Variants in TBL1X observed in about 807,000 individuals in gnomAD.
TBL1X encodes the protein transducin beta like 1 X-linked, also known as F-box-like/WD repeat-containing protein TBL1X.
Under a neutral mutation model 50.7 loss-of-function variants are expected in TBL1X, and 10 were observed. The ratio of observed to expected loss-of-function variants is 0.20; its 90% CI spans 0.12 to 0.33. The LOEUF (loss-of-function observed/expected upper bound fraction) is 0.33. Among genes scored for constraint, TBL1X ranks in the 10% least tolerant of loss-of-function variants. The pLI is 1.00. For synonymous variants in TBL1X, 190 were observed against 214.7 expected, an observed-to-expected ratio of 0.88 and a Z score of 1.01; for missense variants, 340 against 504.4, an observed-to-expected ratio of 0.67 and a Z score of 3.12.
intron 2 of TBL1X, among the ~76,000 whole-genome samples, chrX:9,566,192 G>A (rs1204492040): frequency 1.8e-5 from 2 of 111,799 alleles, no homozygotes; most frequent in Non-Finnish European, 3.8e-5. Context: ...TGTCCTGTGT[G>A]TTGTGGGATG....
chrX:9,473,008 G>A (rs779937990), intron 1 of TBL1X, among the ~76,000 whole-genome samples: 1 of 111,623 alleles, frequency 9.0e-6, no homozygotes, highest in South Asian at 3.7e-4. Context: ...TTGGGTAATT[G>A]TCAGCCTGGA....
intron 5 of TBL1X, among the ~76,000 whole-genome samples, chrX:9,675,891 CA>C (rs1175476577): frequency 0.011 from 631 of 58,225 alleles, 3 homozygotes; most frequent in South Asian, 0.024. Context: ...AACTCTGTCT[CA>C]AAAAAAAAAA....
At chrX:9,500,107 A>G (rs1023623766) in intron 1 of TBL1X, among the ~76,000 whole-genome samples, 9 of 108,141 alleles carry the variant, frequency 8.3e-5, no homozygotes, top group Non-Finnish European at 1.7e-4. Context: ...CAACATAACA[A>G]GACCCCATCT....
At chrX:9,522,559 G>A (rs1313111487) in intron 2 of TBL1X, among the ~76,000 whole-genome samples, 1 of 111,762 alleles carries the variant, frequency 8.9e-6, no homozygotes, top group Non-Finnish European at 1.9e-5. Context: ...CCGTGCTCAC[G>A]TATCCCACAC....
chrX:9,558,541 A>ATATAT (rs1448477922), intron 2 of TBL1X, among the ~76,000 whole-genome samples: 1 of 107,017 alleles, frequency 9.3e-6, no homozygotes, highest in African/African-American at 3.4e-5. Context: ...AGGAAAAAAA[A>ATATAT]ATATATATAT....
At position 9,494,589 on chromosome X, in the gene TBL1X, A is replaced by T. The variant is rs941507631; in HGVS notation, c.-200-7191A>T. 5.3e-5 allele frequency among the ~76,000 whole-genome samples: 6 copies of T among 112,166 alleles called. No individual in the cohort carries two copies. In the East Asian group the frequency reaches 8.3e-4, roughly 16 times the overall value. ...TCAACTTCAAAAAAAAAGTTTTTTT[A>T]AAAAATATTTTAAAAATATTTAACT... is the stretch of plus-strand genomic sequence containing the variant. On this transcript the variant is annotated intron_variant, in intron 1 of 17. Transcript: ENST00000645353.
At chrX:9,552,327 A>C (rs924239230) in intron 2 of TBL1X, among the ~76,000 whole-genome samples, 1 of 111,647 alleles carries the variant, frequency 9.0e-6, no homozygotes, top group African/African-American at 3.3e-5. Flanking sequence ...CCATCAGTCT[A>C]TTTCTCTGTG....
chrX:9,519,672 G>C (rs897498846), intron 2 of TBL1X, among the ~76,000 whole-genome samples: 4 of 111,513 alleles, frequency 3.6e-5, no homozygotes, highest in African/African-American at 6.5e-5. Flanking sequence ...TTACAGTGGC[G>C]CTGGTGTCTT....
intron 2 of TBL1X, among the ~76,000 whole-genome samples, chrX:9,606,802 G>A (rs1263966894): frequency 2.7e-5 from 3 of 112,304 alleles, no homozygotes; most frequent in African/African-American, 6.5e-5. Context: ...CCTAATGGAC[G>A]AGCGTCCTCA....
At chrX:9,529,004 A>C (rs1460165280) in intron 2 of TBL1X, among the ~76,000 whole-genome samples, 1 of 112,077 alleles carries the variant, frequency 8.9e-6, no homozygotes, top group African/African-American at 3.2e-5. Context: ...CAGCACTGAA[A>C]AATACGGAGT....
At chrX:9,531,732 C>G (rs2082162991) in intron 2 of TBL1X, among the ~76,000 whole-genome samples, 1 of 105,811 alleles carries the variant, frequency 9.5e-6, no homozygotes, top group Non-Finnish European at 1.9e-5. Context: ...TAATGAGAGG[C>G]TCTTTTTTTT....
In TBL1X at chrX:9,513,102, C is replaced by T. The variant is rs945055399; in HGVS notation, c.-131+11253C>T. ...CACCCGGAGGAAGCCCCCAGAGTCT[C>T]GGCACAGTTGAGGAAACAAACAAAG... On this transcript the variant is annotated intron_variant, in intron 2 of 17. Coordinates refer to ENST00000645353, the MANE Select transcript of TBL1X (RefSeq NM_005647.4). Among the ~76,000 whole-genome samples the T allele has an allele frequency of 8.1e-5, 9 of 110,726 alleles. No individual in the cohort carries two copies. The East Asian group carries it at 2.3e-3, about 28-fold the overall frequency.
In TBL1X at chrX:9,469,736, T is replaced by A. The variant is rs745559266; in HGVS notation, c.-201+4289T>A. Among the ~76,000 whole-genome samples the A allele has an allele frequency of 8.0e-5, 9 of 112,157 alleles. No homozygotes were observed. The South Asian group carries it at 3.3e-3, about 42-fold the overall frequency. On this transcript the variant is annotated intron_variant, in intron 1 of 17. Coordinates refer to ENST00000645353, the MANE Select transcript of TBL1X (RefSeq NM_005647.4). ...GAGAACAATCTCCTCAGCCCAGAGA[T>A]GTTCATGGCTCTGTCTCCCACAGTT...
intron 2 of TBL1X, among the ~76,000 whole-genome samples, chrX:9,502,858 G>A (rs1381522766): frequency 1.8e-5 from 2 of 112,437 alleles, no homozygotes; most frequent in Admixed American, 1.9e-4. Context: ...AGGAAGCAGA[G>A]AACATCCCTC....
intron 2 of TBL1X, among the ~76,000 whole-genome samples, chrX:9,616,553 C>T (rs770340961): frequency 2.1e-4 from 23 of 111,915 alleles, no homozygotes; most frequent in African/African-American, 6.5e-4. Flanking sequence ...CTTATACTCA[C>T]GCAGGTTGAA....
At chrX:9,555,009 T>C (rs1297978623) in intron 2 of TBL1X, among the ~76,000 whole-genome samples, 1 of 112,364 alleles carries the variant, frequency 8.9e-6, no homozygotes, top group Non-Finnish European at 1.9e-5. Flanking sequence ...CTTTTATGTC[T>C]GGCCTCGTTC....
chrX:9,697,171 C>G (rs1330591207), intron 11 of TBL1X, among the ~76,000 whole-genome samples, 198 bp from the exon 12 acceptor site: 2 of 112,290 alleles, frequency 1.8e-5, no homozygotes, highest in Non-Finnish European at 3.8e-5. Context: ...TAATAGATTG[C>G]TAATGAATTT....
intron 5 of TBL1X, among the ~76,000 whole-genome samples, chrX:9,663,801 A>G (rs2082912209): frequency 9.1e-6 from 1 of 109,421 alleles, no homozygotes; most frequent in African/African-American, 3.3e-5. Context: ...TGCAGACTAT[A>G]TGATTCCATT....
intron 4 of TBL1X, 52 bp downstream of exon 4, chrX:9,653,741 T>C (rs1036286397): frequency 1.9e-6 from 2 of 1,070,538 alleles, no homozygotes; most frequent in African/African-American, 3.7e-5. Flanking sequence ...TTTGGGGGTG[T>C]TGACATGGCC....
Sources: gnomAD v4.1 joint callset for allele counts (sites outside exome capture counted in the v4.1 genomes callset) on GRCh38, gnomAD v4.1.1 for gene constraint, MANE v1.5 for transcripts, NCBI Gene and HGNC (gene_info 2026-07-23, HGNC 2026-07-21) for gene names.